AFF3: variants seen among roughly 807,000 people sequenced by gnomAD.
AFF3 encodes the protein AF4/FMR2 family member 3.
AFF3 carries 32 observed loss-of-function variants against 129.7 expected under a neutral mutation model. That is an observed-to-expected ratio of 0.25 (90% confidence interval 0.19 to 0.33). The LOEUF is 0.33. AFF3 is among the 10% of genes least tolerant of loss of function. AFF3 has a pLI of 1.00. For synonymous variants in AFF3, 644 were observed against 635.4 expected, an observed-to-expected ratio of 1.01 and a Z score of -0.20; for missense variants, 1,373 against 1,592.0, an observed-to-expected ratio of 0.86 and a Z score of 2.34.
At chr2:99,702,809 A>G (rs1426768821) in intron 11 of AFF3, among the ~76,000 whole-genome samples, 1 of 152,248 alleles carries the variant, frequency 6.6e-6, no homozygotes, top group Non-Finnish European at 1.5e-5. Flanking sequence ...TCCACATACA[A>G]GCCCTTTGTT....
intron 4 of AFF3, among the ~76,000 whole-genome samples, chr2:100,031,260 A>G (rs908919125): frequency 6.6e-6 from 1 of 152,232 alleles, no homozygotes; most frequent in Non-Finnish European, 1.5e-5. Context: ...GTAAGTAAAT[A>G]GATGGTGAAT....
chr2:99,956,827 G>A (rs1306087033), intron 7 of AFF3, among the ~76,000 whole-genome samples: 1 of 152,210 alleles, frequency 6.6e-6, no homozygotes, highest in Non-Finnish European at 1.5e-5. Context: ...GAATAAGGAA[G>A]TCATTGATAC....
At chr2:99,848,307 T>C (rs1458863996) in intron 7 of AFF3, among the ~76,000 whole-genome samples, 1 of 151,440 alleles carries the variant, frequency 6.6e-6, no homozygotes, top group East Asian at 1.9e-4. Context: ...AAAAAAGACA[T>C]CACATGTAAA....
chr2:100,032,206 T>A (rs1684548546), intron 4 of AFF3, among the ~76,000 whole-genome samples: 1 of 152,058 alleles, frequency 6.6e-6, no homozygotes, highest in South Asian at 2.1e-4. Flanking sequence ...GGCAGGTGGA[T>A]TACGAGGTCA....
At chr2:99,581,267 TAAAA>T (rs1559501359) in intron 17 of AFF3, among the ~76,000 whole-genome samples, 1 of 152,168 alleles carries the variant, frequency 6.6e-6, no homozygotes. Flanking sequence ...TAGAGGGAAA[TAAAA>T]AAACTTGAGT....
intron 7 of AFF3, among the ~76,000 whole-genome samples, chr2:99,986,474 T>C (rs1559034446): frequency 6.6e-6 from 1 of 152,080 alleles, no homozygotes; most frequent in Non-Finnish European, 1.5e-5. Flanking sequence ...CACAATGTTC[T>C]AACAGAGTCC....
chr2:100,007,295 C>T lies in AFF3; in HGVS notation c.340G>A (p.Ala114Thr), dbSNP rs371408671. The T allele has an allele frequency of 9.9e-6, 16 of 1,613,968 alleles. No homozygotes were observed. The African/African-American group carries it at 2.0e-4, about 20-fold the overall frequency. Residue 114 changes from alanine (A) to threonine (T), a missense_variant, in exon 6 of 25, where the codon GCA becomes ACA. Physicochemically the swap from Ala to Thr is moderately conservative, Grantham distance 58. Around this residue, in one of 9 missense-constraint regions of AFF3, gnomAD observed 255 missense variants for 256.0 expected, o/e 1.00. Transcript: ENST00000672756. ...GGCTGGTTCTGGGCTCTTGAATCTGCAACAAAATGTTCATCGATCTTGTTC... is the reference window on the plus strand; with the variant it reads ...GGCTGGTTCTGGGCTCTTGAATCTGTAACAAAATGTTCATCGATCTTGTTC... ...PVNKIDEHFV[A>T]DSRAQNQPSS...
intron 12 of AFF3, among the ~76,000 whole-genome samples, chr2:99,666,347 A>G (rs1686673302): frequency 6.6e-6 from 1 of 152,198 alleles, no homozygotes; most frequent in Non-Finnish European, 1.5e-5. Flanking sequence ...GTACCAGCGA[A>G]CTGTTATAAG....
chr2:99,589,156 G>T (rs982328215), intron 15 of AFF3, among the ~76,000 whole-genome samples: 2 of 151,956 alleles, frequency 1.3e-5, no homozygotes, highest in Admixed American at 1.3e-4. Context: ...TTCCATCAGC[G>T]TATTCAGTTA....
At chr2:99,962,853 T>A (rs1559014625) in intron 7 of AFF3, among the ~76,000 whole-genome samples, 1 of 73,172 alleles carries the variant, frequency 1.4e-5, no homozygotes, top group Admixed American at 1.3e-4. Context: ...AGTATTCAAA[T>A]AATAATAATA....
intron 7 of AFF3, among the ~76,000 whole-genome samples, chr2:99,982,392 G>A (rs1028331863): frequency 2.0e-5 from 3 of 152,084 alleles, no homozygotes; most frequent in Non-Finnish European, 4.4e-5. Context: ...TTCTTGCCTT[G>A]CCTTCCGCCA....
chr2:99,685,455 A>G (rs959056049), intron 11 of AFF3, among the ~76,000 whole-genome samples: 11 of 152,170 alleles, frequency 7.2e-5, no homozygotes, highest in Admixed American at 6.5e-4. Flanking sequence ...TGCCATATCC[A>G]TTGCAGAAGA....
intron 10 of AFF3, among the ~76,000 whole-genome samples, chr2:99,728,241 G>C (rs1679519650): frequency 6.6e-6 from 1 of 152,184 alleles, no homozygotes; most frequent in Non-Finnish European, 1.5e-5. Flanking sequence ...ACTGATAACT[G>C]AGAGCGTGGG....
At chr2:99,725,600 G>A (rs1458688440) in intron 11 of AFF3, among the ~76,000 whole-genome samples, 1 of 152,156 alleles carries the variant, frequency 6.6e-6, no homozygotes, top group African/African-American at 2.4e-5. Flanking sequence ...AAAGTGTTGG[G>A]ATTACAAGCG....
At chr2:100,008,699 C>G in intron 5 of AFF3, 113 bp downstream of exon 5, 3 of 1,321,942 alleles carry the variant, frequency 2.3e-6, no homozygotes, top group Non-Finnish European at 3.1e-6. Flanking sequence ...CTGGGCTGAA[C>G]AGACAGAAGA....
chr2:100,106,847 A>G, intron 2 of AFF3: 10 of 985,454 alleles, frequency 1.0e-5, no homozygotes, highest in Non-Finnish European at 1.2e-5. Flanking sequence ...TGGAGGCTGA[A>G]GATAAATAGA....
At chr2:99,611,874 G>A (rs1680962615) in intron 13 of AFF3, among the ~76,000 whole-genome samples, 1 of 144,248 alleles carries the variant, frequency 6.9e-6, no homozygotes, top group Admixed American at 7.1e-5. Flanking sequence ...GCGACAGAGT[G>A]AGATATCATC....
intron 8 of AFF3, among the ~76,000 whole-genome samples, chr2:99,754,290 CCT>C (rs771314129): frequency 6.6e-6 from 1 of 152,112 alleles, no homozygotes; most frequent in Non-Finnish European, 1.5e-5. Flanking sequence ...CTGATGTGTC[CCT>C]GAGTCCATCC....
chr2:99,672,482 A>C (rs200164297), intron 12 of AFF3, 56 bp downstream of exon 12: 2 of 1,549,992 alleles, frequency 1.3e-6, no homozygotes, highest in East Asian at 4.5e-5. Flanking sequence ...ACAGTCCACC[A>C]GGTAACTGTT....
Sources: allele counts gnomAD v4.1 joint callset (sites outside exome capture counted in the v4.1 genomes callset), GRCh38; gene constraint gnomAD v4.1.1; regional missense constraint gnomAD v4.1.1; transcripts MANE v1.5; gene names NCBI Gene and HGNC (gene_info 2026-07-23, HGNC 2026-07-21).